GRIA1: variants seen among roughly 807,000 people sequenced by gnomAD.
The protein encoded by GRIA1 is glutamate ionotropic receptor AMPA type subunit 1, also known as glutamate receptor 1.
In GRIA1, 31 loss-of-function variants were observed where a neutral mutation model predicts 99.2. The observed-to-expected ratio is 0.31, with a 90% CI of 0.23 to 0.42. GRIA1 has a LOEUF of 0.42. Among genes scored for constraint, GRIA1 ranks in the 10% least tolerant of loss-of-function variants. The pLI is 1.00. For missense variants in GRIA1, 782 were observed against 1,157.5 expected (o/e 0.68, Z 4.71); for synonymous variants, 438 against 432.4 (o/e 1.01, Z -0.16).
intron 2 of GRIA1, among the ~76,000 whole-genome samples, chr5:153,510,801 C>G (rs1211494996): frequency 6.6e-6 from 1 of 152,132 alleles, no homozygotes; most frequent in Non-Finnish European, 1.5e-5. Flanking sequence ...TCAAATGATG[C>G]AGAATATCCA....
At chr5:153,778,009 C>G (rs1238489663) in intron 13 of GRIA1, among the ~76,000 whole-genome samples, 1 of 152,124 alleles carries the variant, frequency 6.6e-6, no homozygotes, top group Non-Finnish European at 1.5e-5. Flanking sequence ...AGACAAAGCC[C>G]TCTGAGTGGA....
chr5:153,776,640 G>A (rs1035397047), intron 13 of GRIA1, among the ~76,000 whole-genome samples: 6 of 152,144 alleles, frequency 3.9e-5, no homozygotes, highest in Non-Finnish European at 7.3e-5. Context: ...AGCCTCACTG[G>A]CATTCCCATT....
At chr5:153,505,336 C>G (rs976110990) in intron 2 of GRIA1, among the ~76,000 whole-genome samples, 4 of 102,008 alleles carry the variant, frequency 3.9e-5, no homozygotes, top group Non-Finnish European at 5.7e-5. Flanking sequence ...TTATTTCTCT[C>G]TCCCTCAAAC....
At chr5:153,553,478 C>T (rs545009857) in intron 2 of GRIA1, among the ~76,000 whole-genome samples, 23 of 152,242 alleles carry the variant, frequency 1.5e-4, no homozygotes, top group Middle Eastern at 3.4e-3. Flanking sequence ...CATGGTTTGA[C>T]CTCTGACTTG....
intron 5 of GRIA1, among the ~76,000 whole-genome samples, chr5:153,662,391 A>G (rs1413922638): frequency 6.6e-6 from 1 of 152,184 alleles, no homozygotes; most frequent in Admixed American, 6.5e-5. Flanking sequence ...AACATTCTCA[A>G]AAGAATGCCA....
intron 2 of GRIA1, among the ~76,000 whole-genome samples, chr5:153,616,950 C>G (rs1262576022): frequency 6.6e-6 from 1 of 152,194 alleles, no homozygotes; most frequent in Admixed American, 6.5e-5. Flanking sequence ...CATGCAGGAA[C>G]TCAGCAGAGT....
intron 2 of GRIA1, among the ~76,000 whole-genome samples, chr5:153,626,043 C>T (rs971869210): frequency 2.0e-5 from 3 of 152,176 alleles, no homozygotes; most frequent in Non-Finnish European, 2.9e-5. Context: ...GGGAGGGAGA[C>T]CTGACTCTGC....
chr5:153,686,430 T>G, intron 8 of GRIA1, 101 bp downstream of exon 8: 1 of 771,622 alleles, frequency 1.3e-6, no homozygotes, highest in Non-Finnish European at 2.1e-6. Context: ...GGACTGGATC[T>G]TTGAAGAAAC....
Position 153,698,118 on chromosome 5 carries a change from T to C in GRIA1, c.1209T>C (p.Ser403=). 1 of 1,608,288 alleles carries C rather than the reference T, an allele frequency of 6.2e-7. No homozygotes were observed. The highest frequency in any genetic ancestry group is 8.5e-7 in the Non-Finnish European group (1 of 1,174,714). ...TDAQAGGDNS[S]VQNRTYIVTT... ...CCCAAGCTGGGGGCGATAATTCAAGTGTTCAGAACAGAACATACATCGTCA... is the reference window on the plus strand; with the variant it reads ...CCCAAGCTGGGGGCGATAATTCAAGCGTTCAGAACAGAACATACATCGTCA... Residue 403 remains serine, a synonymous_variant, in exon 9 of 16, where the codon AGT becomes AGC. Transcript: ENST00000285900.
intron 2 of GRIA1, among the ~76,000 whole-genome samples, chr5:153,502,258 C>T (rs1755074877): frequency 6.6e-6 from 1 of 152,222 alleles, no homozygotes; most frequent in African/African-American, 2.4e-5. Context: ...ACCTTGTTTA[C>T]TTTAGCTTCC....
At chr5:153,628,324 C>T (rs1241923952) in intron 2 of GRIA1, among the ~76,000 whole-genome samples, 1 of 152,160 alleles carries the variant, frequency 6.6e-6, no homozygotes, top group Non-Finnish European at 1.5e-5. Context: ...GAAGGCAGGA[C>T]GGCTACAAGC....
chr5:153,586,968 A>C (rs1430171558), intron 2 of GRIA1, among the ~76,000 whole-genome samples: 4 of 152,144 alleles, frequency 2.6e-5, no homozygotes, highest in Non-Finnish European at 4.4e-5. Context: ...TTCTCTGATG[A>C]AGGGCTTTTT....
At chr5:153,679,614 A>G (rs537837739) in intron 7 of GRIA1, among the ~76,000 whole-genome samples, 1 of 152,322 alleles carries the variant, frequency 6.6e-6, no homozygotes, top group African/African-American at 2.4e-5. Flanking sequence ...TTCCATCCAT[A>G]GTCAGGACTA....
At chr5:153,689,117 C>T (rs1221566641) in intron 8 of GRIA1, among the ~76,000 whole-genome samples, 1 of 151,876 alleles carries the variant, frequency 6.6e-6, no homozygotes, top group Non-Finnish European at 1.5e-5. Flanking sequence ...TAACCTCAAA[C>T]TCCTGGGCTC....
At chr5:153,725,198 G>A (rs1161288101) in intron 11 of GRIA1, among the ~76,000 whole-genome samples, 2 of 151,730 alleles carry the variant, frequency 1.3e-5, no homozygotes, top group African/African-American at 4.8e-5. Context: ...AGCAAATGCT[G>A]AGAGATTTTG....
At chr5:153,742,107 C>CA (rs1761844494) in intron 11 of GRIA1, among the ~76,000 whole-genome samples, 6 of 149,888 alleles carry the variant, frequency 4.0e-5, no homozygotes, top group African/African-American at 7.3e-5. Context: ...AGGAAAGATA[C>CA]GAAAAAAAAT....
intron 2 of GRIA1, among the ~76,000 whole-genome samples, chr5:153,506,361 T>TGTGTC (rs1755504987): frequency 9.8e-6 from 1 of 101,816 alleles, no homozygotes; most frequent in Non-Finnish European, 2.0e-5. Context: ...GTGTGTGTGT[T>TGTGTC]CATACATATA....
chr5:153,769,401 G>A (rs1763730374), intron 12 of GRIA1, among the ~76,000 whole-genome samples: 1 of 152,028 alleles, frequency 6.6e-6, no homozygotes, highest in Non-Finnish European at 1.5e-5. Flanking sequence ...GAACTGAGGT[G>A]GACTCCAAAT....
chr5:153,581,089 G>A (rs1437354036), intron 2 of GRIA1, among the ~76,000 whole-genome samples: 3 of 152,134 alleles, frequency 2.0e-5, no homozygotes, highest in African/African-American at 4.8e-5. Context: ...GCATGCGGAC[G>A]GCTTCCTACT....
Sources: gnomAD v4.1 joint callset for allele counts (sites outside exome capture counted in the v4.1 genomes callset) on GRCh38, gnomAD v4.1.1 for gene constraint, MANE v1.5 for transcripts, NCBI Gene and HGNC (gene_info 2026-07-23, HGNC 2026-07-21) for gene names.